Variants in SCAF4 observed in about 807,000 individuals in gnomAD.
The protein encoded by SCAF4 is SR-related and CTD-associated factor 4.
Under a neutral mutation model 129.8 loss-of-function variants are expected in SCAF4, and 25 were observed. The ratio of observed to expected loss-of-function variants is 0.19; its 90% confidence interval spans 0.14 to 0.27. SCAF4 has a LOEUF of 0.27. Ranked by LOEUF, SCAF4 falls within the 10% of genes least tolerant of loss-of-function variation. The probability of loss-of-function intolerance (pLI) is 1.00; values close to 1 mark genes in which losing one functional copy is unlikely to be tolerated. For missense variants in SCAF4, 1,246 were observed against 1,457.1 expected, an observed-to-expected ratio of 0.86 and a Z score of 2.36; for synonymous variants, 551 against 497.7, an observed-to-expected ratio of 1.11 and a Z score of -1.43.
intron 19 of SCAF4, among the ~76,000 whole-genome samples, chr21:31,677,313 T>C (rs1024479783): frequency 6.6e-6 from 1 of 152,136 alleles, no homozygotes; most frequent in Non-Finnish European, 1.5e-5. Flanking sequence ...TCCCCTCTAC[T>C]GGGCTTCCCA....
chr21:31,711,313 C>A (rs914518623), intron 1 of SCAF4, among the ~76,000 whole-genome samples: 2 of 152,198 alleles, frequency 1.3e-5, no homozygotes, highest in African/African-American at 4.8e-5. Context: ...CACAAATTCA[C>A]CAAACGGTCT....
chr21:31,682,492 A>G (rs987180449), intron 19 of SCAF4, among the ~76,000 whole-genome samples: 2 of 152,216 alleles, frequency 1.3e-5, no homozygotes, highest in South Asian at 2.1e-4. Context: ...GGTCTTATAA[A>G]TAACATCTAT....
intron 7 of SCAF4, among the ~76,000 whole-genome samples, chr21:31,699,496 T>C (rs896716100): frequency 6.8e-6 from 1 of 146,762 alleles, no homozygotes; most frequent in African/African-American, 2.7e-5. Context: ...ACTTTCTGTA[T>C]TATTTGTTTT....
At chr21:31,676,124 G>A (rs1236556899) in intron 19 of SCAF4, among the ~76,000 whole-genome samples, 2 of 152,228 alleles carry the variant, frequency 1.3e-5, no homozygotes, top group East Asian at 3.9e-4. Flanking sequence ...TGCAGAGGAT[G>A]CAAAATTTCA....
intron 1 of SCAF4, among the ~76,000 whole-genome samples, chr21:31,715,527 A>C (rs1213128951): frequency 3.9e-5 from 6 of 152,180 alleles, no homozygotes; most frequent in Non-Finnish European, 7.4e-5. Context: ...AATCATCTGA[A>C]ATCTTCAGGC....
At chr21:31,672,832 A>G (rs1449073884) in intron 19 of SCAF4, among the ~76,000 whole-genome samples, 2 of 152,234 alleles carry the variant, frequency 1.3e-5, no homozygotes, top group East Asian at 1.9e-4. Context: ...AAAACCCAGG[A>G]AAGAGGAAGA....
intron 19 of SCAF4, among the ~76,000 whole-genome samples, chr21:31,680,769 T>C (rs1287661802): frequency 1.3e-5 from 2 of 152,200 alleles, no homozygotes; most frequent in Non-Finnish European, 2.9e-5. Context: ...TAGTAAGTGT[T>C]GCTAAAAATG....
chr21:31,705,158 T>C (rs1277841244), intron 3 of SCAF4, among the ~76,000 whole-genome samples: 1 of 151,930 alleles, frequency 6.6e-6, no homozygotes, highest in Non-Finnish European at 1.5e-5. Context: ...GGCAAGGGGG[T>C]AGAGTAAGCA....
At chr21:31,705,061 A>G (rs1328250768) in intron 3 of SCAF4, among the ~76,000 whole-genome samples, 1 of 152,212 alleles carries the variant, frequency 6.6e-6, no homozygotes, top group East Asian at 1.9e-4. Flanking sequence ...CTGATGGGAA[A>G]AGGGAAAAAT....
rs1050091902 is a variant in SCAF4 at position 31,731,806 on chromosome 21, G to A, written c.-114C>T. 13 of 1,253,336 alleles carry A rather than the reference G, an allele frequency of 1.0e-5. No homozygotes were observed. The African/African-American group carries it at 1.6e-4, about 15-fold the overall frequency. 77.6% of individuals were successfully genotyped at this position (1,253,336 alleles called of 1,614,324 possible). ...TGGTGGCCGGGGGGAGGCGACGAGC[G>A]GCGGAGTCCGAGGCCCGGGCAGGAA... On this transcript the variant is annotated 5_prime_UTR_variant, in exon 1 of 20. Coordinates refer to ENST00000286835, the MANE Select transcript of SCAF4 (RefSeq NM_020706.2).
intron 15 of SCAF4, among the ~76,000 whole-genome samples, chr21:31,690,508 C>T (rs1157363973): frequency 6.6e-6 from 1 of 152,022 alleles, no homozygotes; most frequent in Admixed American, 6.6e-5. Context: ...AAACATAATA[C>T]CAAAGATGCT....
chr21:31,682,376 CA>C (rs57530611), intron 19 of SCAF4, among the ~76,000 whole-genome samples: 192 of 127,910 alleles, frequency 1.5e-3, no homozygotes, highest in Non-Finnish European at 1.4e-3. Flanking sequence ...AGACACATCT[CA>C]AAAAAAAAAA....
At chr21:31,685,337 C>G in intron 18 of SCAF4, 61 bp downstream of exon 18, 1 of 1,521,568 alleles carries the variant, frequency 6.6e-7, no homozygotes, top group Admixed American at 1.8e-5. Context: ...TACCGCTTCA[C>G]TCTCCCTCCT....
At chr21:31,726,236 G>T (rs112449941) in intron 1 of SCAF4, among the ~76,000 whole-genome samples, 3,525 of 152,072 alleles carry the variant, frequency 0.023, 127 homozygotes, top group African/African-American at 0.08. Context: ...TAGTAGAGAC[G>T]GGGTTTCACC....
chr21:31,730,626 T>TGAAATAAATTAATGG (rs1390317898), intron 1 of SCAF4, among the ~76,000 whole-genome samples: 1 of 152,236 alleles, frequency 6.6e-6, no homozygotes, highest in Non-Finnish European at 1.5e-5. Context: ...GCTTTATCTT[T>TGAAATAAATTAATGG]GGTATTTGGA....
At chr21:31,698,360 G>A (rs1036154694) in intron 7 of SCAF4, among the ~76,000 whole-genome samples, 12 of 152,066 alleles carry the variant, frequency 7.9e-5, no homozygotes, top group Non-Finnish European at 1.6e-4. Context: ...AATACTAGAG[G>A]AATTAGAATT....
At chr21:31,726,425 G>A (rs755404300) in intron 1 of SCAF4, among the ~76,000 whole-genome samples, 1 of 152,050 alleles carries the variant, frequency 6.6e-6, no homozygotes, top group Non-Finnish European at 1.5e-5. Flanking sequence ...CTTTCAGGGG[G>A]CTAAGGTGGG....
chr21:31,702,440 C>G, intron 4 of SCAF4, 61 bp from the exon 5 acceptor site: 3 of 1,452,908 alleles, frequency 2.1e-6, no homozygotes, highest in Middle Eastern at 1.9e-4. Context: ...CGATTATACT[C>G]TTACAAAAAA....
At chr21:31,714,310 A>G (rs1213456450) in intron 1 of SCAF4, among the ~76,000 whole-genome samples, 1 of 152,178 alleles carries the variant, frequency 6.6e-6, no homozygotes, top group African/African-American at 2.4e-5. Context: ...AAAAGTGTCA[A>G]AGCAGCCAGA....
Sources: allele counts gnomAD v4.1 joint callset (sites outside exome capture counted in the v4.1 genomes callset), GRCh38; gene constraint gnomAD v4.1.1; transcripts MANE v1.5; gene names NCBI Gene and HGNC (gene_info 2026-07-23, HGNC 2026-07-21).